LRMDA: variants seen among roughly 807,000 people sequenced by gnomAD.
LRMDA encodes the protein leucine rich melanocyte differentiation associated.
LRMDA carries 18 observed loss-of-function variants against 29.8 expected under a neutral mutation model. The ratio of observed to expected loss-of-function variants is 0.60; its 90% CI spans 0.42 to 0.90. The LOEUF (loss-of-function observed/expected upper bound fraction) is 0.90. LRMDA is among the 40% of genes least tolerant of loss of function. The pLI, the probability that LRMDA is intolerant of heterozygous loss-of-function variation, is 0.00. For synonymous variants in LRMDA, 125 were observed against 109.4 expected (o/e 1.14, Z -0.89); for missense variants, 273 against 273.9 (o/e 1.00, Z 0.02).
chr10:76,465,291 A>G (rs751525723), intron 6 of LRMDA, among the ~76,000 whole-genome samples: 2 of 152,206 alleles, frequency 1.3e-5, no homozygotes, highest in Non-Finnish European at 2.9e-5. Flanking sequence ...AAGGGCTGCC[A>G]TAGAGATTTT....
intron 2 of LRMDA, among the ~76,000 whole-genome samples, chr10:75,541,554 G>A (rs1261812215): frequency 6.6e-6 from 1 of 152,066 alleles, no homozygotes; most frequent in African/African-American, 2.4e-5. Context: ...ACAGTAGGGA[G>A]CCCTGAGAAA....
intron 5 of LRMDA, among the ~76,000 whole-genome samples, chr10:76,087,743 A>G (rs775881313): frequency 4.6e-5 from 7 of 152,208 alleles, no homozygotes; most frequent in Non-Finnish European, 1.0e-4. Flanking sequence ...GGGGCCCAAA[A>G]GGAAGGAAAA....
chr10:75,532,056 GAAA>G (rs60697116), intron 2 of LRMDA, among the ~76,000 whole-genome samples: 92 of 95,334 alleles, frequency 9.7e-4, no homozygotes, highest in African/African-American at 3.4e-3. Flanking sequence ...AAGAAAGAAA[GAAA>G]AAAAAAAAAA....
chr10:75,681,701 T>G (rs1842025036), intron 2 of LRMDA, among the ~76,000 whole-genome samples: 1 of 152,208 alleles, frequency 6.6e-6, no homozygotes, highest in Admixed American at 6.5e-5. Context: ...CCTGAGCAAG[T>G]CTCATGGCCT....
intron 5 of LRMDA, among the ~76,000 whole-genome samples, chr10:76,269,695 T>G (rs1346377979): frequency 3.3e-5 from 5 of 152,218 alleles, no homozygotes; most frequent in Non-Finnish European, 4.4e-5. Flanking sequence ...ACAACAATAA[T>G]AGCAACACTA....
At chr10:76,370,813 T>C (rs1425919290) in intron 6 of LRMDA, among the ~76,000 whole-genome samples, 1 of 152,124 alleles carries the variant, frequency 6.6e-6, no homozygotes, top group Non-Finnish European at 1.5e-5. Context: ...TGTACTGTAG[T>C]AAATTTGAAA....
At chr10:75,620,674 C>T (rs955732428) in intron 2 of LRMDA, among the ~76,000 whole-genome samples, 2 of 152,118 alleles carry the variant, frequency 1.3e-5, no homozygotes, top group African/African-American at 4.8e-5. Flanking sequence ...TTTTCAAGAC[C>T]TGGTTCAAAT....
chr10:75,520,119 C>T (rs1035537911), intron 2 of LRMDA, among the ~76,000 whole-genome samples: 7 of 152,274 alleles, frequency 4.6e-5, no homozygotes, highest in Middle Eastern at 3.4e-3. Flanking sequence ...ACATTTTTTC[C>T]TTCATTTCAA....
rs556873956 is a variant in LRMDA, at chr10:76,094,614, C to T, written c.516+35831C>T. ...AGTACTACTCAAAGGTGTCCATGGA[C>T]TGGTGCCAGTATGAAAATTAATACA... is the stretch of plus-strand genomic sequence containing the variant. On this transcript the variant is annotated intron_variant, in intron 5 of 6. Coordinates refer to ENST00000611255, the MANE Select transcript of LRMDA (RefSeq NM_001305581.2). 2.4e-4 allele frequency among the ~76,000 whole-genome samples: 36 copies of T among 152,210 alleles called. No individual in the cohort carries two copies. The South Asian group carries it at 3.1e-3, about 13-fold the overall frequency.
chr10:75,483,926 A>G (rs1844881291), intron 2 of LRMDA, among the ~76,000 whole-genome samples: 1 of 104,418 alleles, frequency 9.6e-6, no homozygotes, highest in Admixed American at 1.2e-4. Flanking sequence ...CTTTTTTGGC[A>G]TTTATGGACA....
intron 6 of LRMDA, among the ~76,000 whole-genome samples, chr10:76,356,980 TGGA>T (rs988291000): frequency 3.4e-4 from 51 of 152,162 alleles, no homozygotes; most frequent in African/African-American, 1.2e-3. Context: ...AGTTGGTTGG[TGGA>T]GAACTAGGAA....
At position 75,744,444 on chromosome 10, in the gene LRMDA, T is replaced by C. The variant is rs538244124; in HGVS notation, c.132-291564T>C. ...CACAGTCCTTTTATTCTCAGTGTTT[T>C]TGCTTTCATGGACCTTGCATCATTC... On this transcript the variant is annotated intron_variant, in intron 2 of 6. Transcript: ENST00000611255. Among the ~76,000 whole-genome samples, 2 of 152,312 alleles carry C rather than the reference T, an allele frequency of 1.3e-5. 1 individual carries two copies. Among genetic ancestry groups the C allele is most frequent in the South Asian group, 4.1e-4 (2 of 4,824 alleles).
Position 76,409,936 on chromosome 10 carries a change from G to A in LRMDA, c.601+85451G>A, listed in dbSNP as rs538119942. 7.2e-5 allele frequency among the ~76,000 whole-genome samples: 11 copies of A among 152,290 alleles called. No homozygotes were observed. In the East Asian group the frequency reaches 1.9e-3, roughly 27 times the overall value. On this transcript the variant is annotated intron_variant, in intron 6 of 6. Coordinates refer to ENST00000611255, the MANE Select transcript of LRMDA (RefSeq NM_001305581.2). ...TTATAGTGAACATGCAGAGTTATGG[G>A]AACATTTGAAGGAATGTAGAATCCA...
chr10:75,465,508 A>G (rs1403302536), intron 2 of LRMDA, among the ~76,000 whole-genome samples: 1 of 152,230 alleles, frequency 6.6e-6, no homozygotes, highest in African/African-American at 2.4e-5. Context: ...TTTCATTGCC[A>G]GCTGTCACGG....
intron 6 of LRMDA, among the ~76,000 whole-genome samples, chr10:76,339,283 A>G (rs985125790): frequency 4.2e-4 from 64 of 151,792 alleles, no homozygotes; most frequent in Admixed American, 9.2e-4. Flanking sequence ...AAAAAAAAAA[A>G]AAAAGTAAAA....
chr10:75,806,760 G>A (rs1458913439), intron 2 of LRMDA, among the ~76,000 whole-genome samples: 2 of 145,986 alleles, frequency 1.4e-5, no homozygotes. Flanking sequence ...TGTGTGCTAG[G>A]ACCCCCATGT....
At position 76,385,287 on chromosome 10, in the gene LRMDA, G is replaced by A. The variant is rs73290777; in HGVS notation, c.601+60802G>A. The stretch of plus-strand genomic sequence containing the variant: ...TTGCTTTTACTTTTATGTACCAATC[G>A]AGTGTACTCTATTTCTGTTGGTGCT... On this transcript the variant is annotated intron_variant, in intron 6 of 6. Transcript: ENST00000611255. Among the ~76,000 whole-genome samples the A allele has an allele frequency of 5.9e-3, 905 of 152,194 alleles. 10 individuals are homozygous for A. The highest frequency in any genetic ancestry group is 0.019 in the African/African-American group (794 of 41,532).
At chr10:75,886,871 A>G (rs1259824853) in intron 2 of LRMDA, among the ~76,000 whole-genome samples, 1 of 152,150 alleles carries the variant, frequency 6.6e-6, no homozygotes, top group African/African-American at 2.4e-5. Context: ...TTTATAAAAG[A>G]ATTGGGACTA....
chr10:76,511,123 C>A (rs780062274), intron 6 of LRMDA, among the ~76,000 whole-genome samples: 1 of 152,116 alleles, frequency 6.6e-6, no homozygotes, highest in South Asian at 2.1e-4. Context: ...GGTTCAGAGT[C>A]AAGACTAATG....
Sources: allele counts gnomAD v4.1 joint callset (sites outside exome capture counted in the v4.1 genomes callset), GRCh38; gene constraint gnomAD v4.1.1; transcripts MANE v1.5; gene names NCBI Gene and HGNC (gene_info 2026-07-23, HGNC 2026-07-21).